The following SLC44A5 variants were observed in gnomAD, a reference collection of about 807,000 sequenced individuals.
The protein encoded by SLC44A5 is solute carrier family 44 member 5.
A neutral mutation model predicts 101.8 loss-of-function variants in SLC44A5; 57 were observed. The observed-to-expected ratio is 0.56, with a 90% confidence interval of 0.45 to 0.70. SLC44A5 has a LOEUF of 0.70. Among genes scored for constraint, SLC44A5 ranks in the 30% least tolerant of loss-of-function variants. The pLI is 0.00. For missense variants in SLC44A5, 737 were observed against 853.1 expected (o/e 0.86, Z 1.70); for synonymous variants, 281 against 290.9 (o/e 0.97, Z 0.35).
chr1:75,641,623 G>T, the SLC44A5 span: 97 of 1,492,174 alleles, frequency 6.5e-5, no homozygotes, highest in Non-Finnish European at 8.9e-5. Flanking sequence ...TTGGGTCACG[G>T]TTCAAAATTG....
At chr1:75,302,104 G>GTTTTATT (rs1654498386) in intron 4 of SLC44A5, among the ~76,000 whole-genome samples, 1 of 49,590 alleles carries the variant, frequency 2.0e-5, no homozygotes, top group Non-Finnish European at 3.4e-5. Flanking sequence ...AGGTGCTCTA[G>GTTTTATT]TTTTTTTGTT....
the SLC44A5 span, among the ~76,000 whole-genome samples, chr1:75,701,874 G>C: frequency 1.3e-5 from 2 of 152,078 alleles, no homozygotes; most frequent in African/African-American, 4.8e-5. Flanking sequence ...CAGACAAACA[G>C]AGAGCCAAAT....
the SLC44A5 span, among the ~76,000 whole-genome samples, chr1:75,659,446 A>AGGGAAGGAAGGAAGGAAGGG: frequency 1.3e-4 from 2 of 15,174 alleles, no homozygotes; most frequent in Non-Finnish European, 3.7e-4. Flanking sequence ...GGAGGGAGGG[A>AGGGAAGGAAGGAAGGAAGGG]AGGAAGGAAG....
intron 2 of SLC44A5, among the ~76,000 whole-genome samples, chr1:75,449,777 C>A (rs148626716): frequency 3.3e-5 from 5 of 151,946 alleles, no homozygotes; most frequent in Admixed American, 6.6e-5. Flanking sequence ...CCGAGAAGGG[C>A]GGATCACAAG....
At chr1:75,502,698 T>TC (rs1669030786) in intron 2 of SLC44A5, among the ~76,000 whole-genome samples, 1 of 118,884 alleles carries the variant, frequency 8.4e-6, no homozygotes, top group African/African-American at 3.1e-5. Flanking sequence ...ATGCTATCCC[T>TC]CCCCCCTCCC....
chr1:75,295,210 A>T (rs951119685), intron 5 of SLC44A5, among the ~76,000 whole-genome samples: 6 of 150,086 alleles, frequency 4.0e-5, no homozygotes, highest in African/African-American at 1.2e-4. Context: ...AAATTAAATT[A>T]AAAATGTATA....
In SLC44A5 at chr1:75,328,545, C is replaced by G. The variant is rs941983682; in HGVS notation, c.101+11037G>C. Among the ~76,000 whole-genome samples the G allele has an allele frequency of 2.0e-5, 3 of 152,096 alleles. 1 individual carries two copies. The South Asian group carries it at 6.2e-4, about 32-fold the overall frequency. ...ATGTATGGGCTACCTCCCCTATGCC[C>G]CCAGCTGCCAATTCATTAGGCAGCT... is the stretch of plus-strand genomic sequence containing the variant. On this transcript the variant is annotated intron_variant, in intron 4 of 23. Coordinates refer to ENST00000370859, the MANE Select transcript of SLC44A5 (RefSeq NM_001130058.2).
chr1:75,718,701 A>G, the SLC44A5 span, among the ~76,000 whole-genome samples: 1 of 152,178 alleles, frequency 6.6e-6, no homozygotes, highest in Non-Finnish European at 1.5e-5. Context: ...GTTGCTGGAT[A>G]CCATAGTACC....
chr1:75,416,691 G>A (rs1251993455), intron 2 of SLC44A5, among the ~76,000 whole-genome samples: 2 of 152,222 alleles, frequency 1.3e-5, no homozygotes, highest in Non-Finnish European at 2.9e-5. Flanking sequence ...AGCCACAGGG[G>A]CAGAGCTGCC....
At position 75,582,094 on chromosome 1, in the gene SLC44A5, A is replaced by G. The variant is rs1673729240; in HGVS notation, c.-70+28946T>C. The stretch of plus-strand genomic sequence containing the variant: ...TCAGGAGCCACGGGTTACAGTGCAG[A>G]CATGGCCAAGTCCAAGAACCACACC... On this transcript the variant is annotated intron_variant, in intron 1 of 23. Transcript: ENST00000370859. 6.9e-6 allele frequency: 5 copies of G among 723,062 alleles called. No individual in the cohort carries two copies. In the Admixed American group the frequency reaches 7.5e-5, roughly 11 times the overall value. 44.8% of individuals were successfully genotyped at this position (723,062 alleles called of 1,614,324 possible).
At chr1:75,702,324 G>A in the SLC44A5 span, among the ~76,000 whole-genome samples, 7 of 152,112 alleles carry the variant, frequency 4.6e-5, no homozygotes, top group African/African-American at 1.7e-4. Context: ...TAGATCAATG[G>A]AACAGAACAG....
intron 4 of SLC44A5, among the ~76,000 whole-genome samples, chr1:75,324,258 G>A (rs1374678004): frequency 1.3e-5 from 2 of 152,292 alleles, no homozygotes; most frequent in Non-Finnish European, 2.9e-5. Flanking sequence ...TTAGAGATGA[G>A]CTTAAATGAT....
intron 2 of SLC44A5, among the ~76,000 whole-genome samples, chr1:75,495,373 T>A (rs1267596053): frequency 6.6e-6 from 1 of 151,944 alleles, no homozygotes; most frequent in Non-Finnish European, 1.5e-5. Flanking sequence ...GAGAATGGCG[T>A]GAACCCAGGA....
intron 2 of SLC44A5, among the ~76,000 whole-genome samples, chr1:75,515,845 T>C (rs1209653891): frequency 6.6e-6 from 1 of 152,136 alleles, no homozygotes; most frequent in Non-Finnish European, 1.5e-5. Flanking sequence ...TAGAATTTTA[T>C]ATAATGGCTT....
At chr1:75,541,964 T>C (rs375361812) in intron 1 of SLC44A5, among the ~76,000 whole-genome samples, 1 of 152,174 alleles carries the variant, frequency 6.6e-6, no homozygotes, top group African/African-American at 2.4e-5. Context: ...GTTTCTGTTT[T>C]AGTTTTAGGG....
At chr1:75,341,291 A>C (rs1430249029) in intron 3 of SLC44A5, among the ~76,000 whole-genome samples, 2 of 152,146 alleles carry the variant, frequency 1.3e-5, no homozygotes, top group Non-Finnish European at 2.9e-5. Context: ...GCTTGAGGCC[A>C]GGAGTTCCAG....
intron 2 of SLC44A5, among the ~76,000 whole-genome samples, chr1:75,450,776 G>A (rs953080272): frequency 4.6e-5 from 7 of 152,154 alleles, no homozygotes; most frequent in Non-Finnish European, 8.8e-5. Context: ...TGCTCACCTG[G>A]ATCAGCAGCC....
chr1:75,385,446 T>G (rs1661250479), intron 3 of SLC44A5, among the ~76,000 whole-genome samples: 2 of 152,034 alleles, frequency 1.3e-5, no homozygotes, highest in African/African-American at 2.4e-5. Flanking sequence ...GCAAATAAAC[T>G]AGAAAATCTA....
chr1:75,305,444 A>G (rs1654827943), intron 4 of SLC44A5, among the ~76,000 whole-genome samples: 1 of 152,218 alleles, frequency 6.6e-6, no homozygotes, highest in Admixed American at 6.5e-5. Context: ...CTGTTTAAAA[A>G]ATTGCAGGAC....
Sources: allele counts gnomAD v4.1 joint callset (sites outside exome capture counted in the v4.1 genomes callset), GRCh38; gene constraint gnomAD v4.1.1; transcripts MANE v1.5; gene names NCBI Gene and HGNC (gene_info 2026-07-23, HGNC 2026-07-21).